Variants in CNOT2 observed in about 807,000 individuals in gnomAD.
CNOT2 encodes CC chemokine receptor 4-negative regulator of transcription 2.
Under a neutral mutation model 72.1 loss-of-function variants are expected in CNOT2, and 7 were observed. That is an observed-to-expected ratio of 0.10 (90% CI 0.06 to 0.18). The LOEUF (loss-of-function observed/expected upper bound fraction) is 0.18. CNOT2 is among the 10% of genes least tolerant of loss of function. CNOT2 has a pLI of 1.00. For synonymous variants in CNOT2, 196 were observed against 225.6 expected, an observed-to-expected ratio of 0.87 and a Z score of 1.17; for missense variants, 345 against 660.3, an observed-to-expected ratio of 0.52 and a Z score of 5.23.
intron 1 of CNOT2, among the ~76,000 whole-genome samples, chr12:70,254,923 G>A (rs115624899): frequency 0.022 from 3,346 of 149,126 alleles, 81 homozygotes; most frequent in Admixed American, 0.047. Context: ...GGAGGTTGCA[G>A]TGAGTTGACA....
intron 2 of CNOT2, among the ~76,000 whole-genome samples, chr12:70,287,537 T>C (rs1871115314): frequency 6.7e-6 from 1 of 149,882 alleles, no homozygotes; most frequent in African/African-American, 2.4e-5. Flanking sequence ...ATGATACAAT[T>C]ATTTGTTTAT....
chr12:70,278,151 T>G lies in CNOT2; in HGVS notation c.-76T>G, dbSNP rs1401717929. The G allele has an allele frequency of 2.1e-5, 23 of 1,084,810 alleles. No homozygotes were observed. The highest frequency in any genetic ancestry group is 2.7e-5 in the South Asian group (2 of 75,066). 67.2% of individuals were successfully genotyped at this position (1,084,810 alleles called of 1,614,324 possible). Reference sequence around the variant, plus strand: ...CTCTAGAGGGAGACGTGGTGGGCGGTCCTTCCTGTGACACGACCCTTGAGT... The same window carrying G: ...CTCTAGAGGGAGACGTGGTGGGCGGGCCTTCCTGTGACACGACCCTTGAGT... On this transcript the variant is annotated 5_prime_UTR_variant, in exon 2 of 16. Coordinates refer to ENST00000229195, the MANE Select transcript of CNOT2 (RefSeq NM_014515.7).
At chr12:70,313,928 A>G (rs1282772010) in intron 3 of CNOT2, among the ~76,000 whole-genome samples, 1 of 152,140 alleles carries the variant, frequency 6.6e-6, no homozygotes, top group African/African-American at 2.4e-5. Flanking sequence ...TGTTTACCAT[A>G]CTGATCCTGT....
intron 4 of CNOT2, chr12:70,322,545 T>C (rs964715533): frequency 3.3e-5 from 5 of 151,756 alleles, no homozygotes; most frequent in African/African-American, 1.2e-4. Context: ...GGCACCTAGC[T>C]TAGCAAAATA....
chr12:70,244,019 C>T (rs1045880660), intron 1 of CNOT2: 3 of 152,406 alleles, frequency 2.0e-5, no homozygotes, highest in Middle Eastern at 3.4e-3. Flanking sequence ...ACACGTATAT[C>T]ATCTGCCAGT....
chr12:70,300,069 G>C (rs1001761425), intron 2 of CNOT2, among the ~76,000 whole-genome samples: 9 of 151,854 alleles, frequency 5.9e-5, no homozygotes, highest in Non-Finnish European at 1.2e-4. Flanking sequence ...TTTTGATGGG[G>C]TTGTTTTTTC....
intron 13 of CNOT2, among the ~76,000 whole-genome samples, chr12:70,343,783 A>C (rs1179974693): frequency 1.3e-5 from 2 of 152,226 alleles, no homozygotes; most frequent in Non-Finnish European, 2.9e-5. Flanking sequence ...CTTGAATACA[A>C]GTCCTAGATC....
At chr12:70,320,227 G>A (rs1187626589) in intron 4 of CNOT2, among the ~76,000 whole-genome samples, 2 of 151,598 alleles carry the variant, frequency 1.3e-5, no homozygotes, top group Non-Finnish European at 3.0e-5. Context: ...GACATCTGAT[G>A]ACTATCCTAA....
At chr12:70,256,598 A>AAG (rs1333277928) in intron 1 of CNOT2, among the ~76,000 whole-genome samples, 1 of 151,418 alleles carries the variant, frequency 6.6e-6, no homozygotes, top group African/African-American at 2.4e-5. Context: ...AAAAAAAAAA[A>AAG]AAAAAGTGGT....
intron 15 of CNOT2, among the ~76,000 whole-genome samples, chr12:70,347,298 A>C (rs1882299596): frequency 6.6e-6 from 1 of 152,180 alleles, no homozygotes; most frequent in Non-Finnish European, 1.5e-5. Context: ...AATGCCTACC[A>C]GATATTTATC....
intron 2 of CNOT2, among the ~76,000 whole-genome samples, chr12:70,287,388 C>T (rs1871092479): frequency 6.7e-6 from 1 of 149,206 alleles, no homozygotes; most frequent in African/African-American, 2.4e-5. Context: ...TTAATGTTTT[C>T]CTTTCACTTC....
chr12:70,282,859 A>G (rs1340855210), intron 2 of CNOT2, among the ~76,000 whole-genome samples: 1 of 151,828 alleles, frequency 6.6e-6, no homozygotes, highest in Non-Finnish European at 1.5e-5. Flanking sequence ...TATTTTGAGT[A>G]GGAAAAATCA....
intron 1 of CNOT2, among the ~76,000 whole-genome samples, chr12:70,268,631 T>G (rs1323199216): frequency 6.6e-6 from 1 of 152,024 alleles, no homozygotes; most frequent in African/African-American, 2.4e-5. Context: ...AAAAAAATTT[T>G]TTTTTTTTTG....
chr12:70,251,581 G>A (rs1013188272), intron 1 of CNOT2, among the ~76,000 whole-genome samples: 8 of 152,154 alleles, frequency 5.3e-5, no homozygotes, highest in African/African-American at 1.2e-4. Flanking sequence ...AAGCAGATTC[G>A]TGTTTCAGGG....
At chr12:70,249,590 G>A (rs983526244) in intron 1 of CNOT2, among the ~76,000 whole-genome samples, 56 of 152,024 alleles carry the variant, frequency 3.7e-4, no homozygotes, top group Admixed American at 3.0e-3. Context: ...GTTAATGGAA[G>A]ACTTGTTTTT....
At chr12:70,305,142 G>A (rs1230556610) in intron 2 of CNOT2, among the ~76,000 whole-genome samples, 1 of 152,220 alleles carries the variant, frequency 6.6e-6, no homozygotes, top group Non-Finnish European at 1.5e-5. Flanking sequence ...GCCCCGCCCT[G>A]TTTCGGCTCA....
chr12:70,268,011 A>G (rs1959134764), intron 1 of CNOT2, among the ~76,000 whole-genome samples: 1 of 152,228 alleles, frequency 6.6e-6, no homozygotes, highest in Non-Finnish European at 1.5e-5. Flanking sequence ...ACCCTTTACG[A>G]AAAAGTTTGC....
intron 15 of CNOT2, among the ~76,000 whole-genome samples, chr12:70,351,890 G>A (rs1387384827): frequency 6.6e-6 from 1 of 152,208 alleles, no homozygotes; most frequent in Non-Finnish European, 1.5e-5. Flanking sequence ...TGTCATGGTT[G>A]TGGTGGTGAT....
intron 13 of CNOT2, 156 bp downstream of exon 13, chr12:70,342,463 A>C (rs1881635406): frequency 1.2e-6 from 1 of 852,988 alleles, no homozygotes; most frequent in Non-Finnish European, 1.7e-6. Context: ...GGTAAATGTT[A>C]GGACTGGTAA....
Sources: allele counts gnomAD v4.1 joint callset (sites outside exome capture counted in the v4.1 genomes callset), GRCh38; gene constraint gnomAD v4.1.1; transcripts MANE v1.5; gene names NCBI Gene and HGNC (gene_info 2026-07-23, HGNC 2026-07-21).